TM9SF2: variants seen among roughly 807,000 people sequenced by gnomAD.
The protein encoded by TM9SF2 is 76 kDa membrane protein.
TM9SF2 carries 13 observed loss-of-function variants against 84.9 expected under a neutral mutation model. The observed-to-expected ratio is 0.15, with a 90% confidence interval of 0.10 to 0.24. The LOEUF (loss-of-function observed/expected upper bound fraction) is 0.24, where lower values mean the gene tolerates loss of function less well. Among genes scored for constraint, TM9SF2 ranks in the 10% least tolerant of loss-of-function variants. The probability of loss-of-function intolerance (pLI) is 1.00; values close to 1 mark genes in which losing one functional copy is unlikely to be tolerated. For synonymous variants in TM9SF2, 273 were observed against 285.8 expected, an observed-to-expected ratio of 0.96 and a Z score of 0.45; for missense variants, 562 against 818.5, an observed-to-expected ratio of 0.69 and a Z score of 3.82.
intron 3 of TM9SF2, among the ~76,000 whole-genome samples, chr13:99,521,878 T>A (rs1425696835): frequency 6.6e-6 from 1 of 152,118 alleles, no homozygotes; most frequent in Non-Finnish European, 1.5e-5. Flanking sequence ...AGCCAATTTT[T>A]AAATTTTTTA....
chr13:99,516,783 C>T (rs1022966613), intron 1 of TM9SF2, among the ~76,000 whole-genome samples: 11 of 152,182 alleles, frequency 7.2e-5, no homozygotes, highest in South Asian at 2.1e-4. Flanking sequence ...CAAAGTTAGA[C>T]CATGTGGTCA....
rs1360487630 is a variant in TM9SF2 at position 99,560,488 on chromosome 13, A to G, written c.1924+954A>G. On this transcript the variant is annotated intron_variant, in intron 16 of 16. Transcript: ENST00000376387. ...TGTAAATTTTAATAAATCATCTATA[A>G]AACAGCAGTAGCCAGTGAAACAAGG... Among the ~76,000 whole-genome samples, 64 of 152,104 alleles carry G rather than the reference A, an allele frequency of 4.2e-4. 2 individuals carry two copies. The highest frequency in any genetic ancestry group is 4.2e-3 in the Admixed American group (64 of 15,272).
chr13:99,538,646 G>A (rs1298025220), intron 6 of TM9SF2, among the ~76,000 whole-genome samples: 5 of 151,616 alleles, frequency 3.3e-5, no homozygotes, highest in Non-Finnish European at 2.9e-5. Flanking sequence ...AAATGAATTC[G>A]CTGGGCATGG....
intron 15 of TM9SF2, among the ~76,000 whole-genome samples, chr13:99,558,744 G>A (rs968890486): frequency 1.3e-5 from 2 of 151,938 alleles, no homozygotes; most frequent in African/African-American, 4.8e-5. Flanking sequence ...GTGTGTGTAT[G>A]TGTGTGTATT....
intron 12 of TM9SF2, among the ~76,000 whole-genome samples, chr13:99,550,056 C>T (rs944548436): frequency 1.3e-5 from 2 of 152,116 alleles, no homozygotes; most frequent in Admixed American, 6.6e-5. Context: ...CGAAGGTGTC[C>T]GTCCTTACCA....
intron 3 of TM9SF2, among the ~76,000 whole-genome samples, chr13:99,528,066 A>G (rs1366613823): frequency 6.6e-6 from 1 of 152,256 alleles, no homozygotes; most frequent in East Asian, 1.9e-4. Context: ...TAGAAACAGA[A>G]CAGTGCTGTG....
intron 4 of TM9SF2, among the ~76,000 whole-genome samples, chr13:99,530,551 A>G (rs964208875): frequency 2.6e-5 from 4 of 152,280 alleles, no homozygotes; most frequent in Non-Finnish European, 5.9e-5. Context: ...AAAACGAAGT[A>G]TGCCTGAATA....
chr13:99,502,990 A>G (rs944450033), intron 1 of TM9SF2, among the ~76,000 whole-genome samples: 5 of 152,224 alleles, frequency 3.3e-5, no homozygotes, highest in Admixed American at 1.3e-4. Flanking sequence ...CTTGTATCTG[A>G]AAAAATATCT....
intron 1 of TM9SF2, among the ~76,000 whole-genome samples, chr13:99,516,212 T>C (rs1010591492): frequency 1.3e-5 from 2 of 152,222 alleles, no homozygotes; most frequent in African/African-American, 4.8e-5. Context: ...CTGCTGTGTT[T>C]TGCTGCCTTT....
At position 99,540,675 on chromosome 13, in the gene TM9SF2, G is replaced by C. The variant is rs185658094; in HGVS notation, c.829-39G>C. 1.6e-4 allele frequency: 241 copies of C among 1,546,070 alleles called. 1 individual carries two copies. In the African/African-American group the frequency reaches 2.9e-3, roughly 19 times the overall value. On this transcript the variant is annotated intron_variant, in intron 7 of 16. Coordinates refer to ENST00000376387, the MANE Select transcript of TM9SF2 (RefSeq NM_004800.3). ...TTTTTTTGTTCTTAATGTGCTGTCAGCAGATGTTTACTTAAAGAGATTTTT... is the reference window on the plus strand; with the variant it reads ...TTTTTTTGTTCTTAATGTGCTGTCACCAGATGTTTACTTAAAGAGATTTTT...
In TM9SF2 at chr13:99,519,862, TG is replaced by T. The variant is rs551768364; in HGVS notation, c.240-173del. Among the ~76,000 whole-genome samples, 691 of 152,356 alleles carry T rather than the reference TG, an allele frequency of 4.5e-3. 7 individuals are homozygous for T. Among genetic ancestry groups the T allele is most frequent in the Middle Eastern group, 0.017 (5 of 294 alleles). Reference sequence around the variant, plus strand: ...TTCGAAGGCATAATTTTAGGTGTTTTGTTTTTTTATGAGGAGAGATGTGGTA... The same window carrying T: ...TTCGAAGGCATAATTTTAGGTGTTTTTTTTTTTATGAGGAGAGATGTGGTA... On this transcript the variant is annotated intron_variant, in intron 2 of 16. Transcript: ENST00000376387.
intron 14 of TM9SF2, among the ~76,000 whole-genome samples, chr13:99,554,916 CAG>C (rs996250813): frequency 6.6e-6 from 1 of 152,182 alleles, no homozygotes; most frequent in African/African-American, 2.4e-5. Context: ...AGGTGACCTG[CAG>C]AGTCCTTTGC....
intron 3 of TM9SF2, 46 bp from the exon 4 acceptor site, chr13:99,529,421 C>A: frequency 6.9e-7 from 1 of 1,447,980 alleles, no homozygotes; most frequent in South Asian, 1.6e-5. Flanking sequence ...GTATGAAAAA[C>A]CTGGATATTT....
At chr13:99,548,904 T>G (rs1172872272) in intron 11 of TM9SF2, among the ~76,000 whole-genome samples, 1 of 152,120 alleles carries the variant, frequency 6.6e-6, no homozygotes, top group Non-Finnish European at 1.5e-5. Context: ...ATTCTTTTGG[T>G]TGTGAGGGGA....
chr13:99,503,535 C>T (rs112475992), intron 1 of TM9SF2, among the ~76,000 whole-genome samples: 3,345 of 151,924 alleles, frequency 0.022, 125 homozygotes, highest in African/African-American at 0.076. Flanking sequence ...ATGGTGAAAC[C>T]GCGTCTCTAC....
In TM9SF2 at chr13:99,551,104, A is replaced by G. The variant is rs141605712; in HGVS notation, c.1329-1063A>G. 3.8e-3 allele frequency among the ~76,000 whole-genome samples: 573 copies of G among 152,370 alleles called. 4 individuals are homozygous for G. The highest frequency in any genetic ancestry group is 0.013 in the African/African-American group (539 of 41,594). On this transcript the variant is annotated intron_variant, in intron 12 of 16. Transcript: ENST00000376387. The stretch of plus-strand genomic sequence containing the variant: ...CACCATTAACCAGTTAAATGTTTTA[A>G]TGGTAGTGGTAGTTGTGCTGGAAGA...
At chr13:99,544,307 C>T (rs2046273469) in intron 10 of TM9SF2, among the ~76,000 whole-genome samples, 1 of 150,074 alleles carries the variant, frequency 6.7e-6, no homozygotes, top group Non-Finnish European at 1.5e-5. Flanking sequence ...TGCGCCACTG[C>T]ACTCCAGCCT....
At chr13:99,536,979 TG>T (rs1413154473) in intron 5 of TM9SF2, among the ~76,000 whole-genome samples, 1 of 152,190 alleles carries the variant, frequency 6.6e-6, no homozygotes, top group African/African-American at 2.4e-5. Flanking sequence ...TTAAATGCTA[TG>T]GTAAGGTCTA....
intron 1 of TM9SF2, among the ~76,000 whole-genome samples, chr13:99,511,371 A>G (rs1172876676): frequency 1.3e-5 from 2 of 152,246 alleles, no homozygotes; most frequent in South Asian, 4.1e-4. Context: ...ATTGAACTAT[A>G]TAAACTCCCC....
Sources: gnomAD v4.1 joint callset for allele counts (sites outside exome capture counted in the v4.1 genomes callset) on GRCh38, gnomAD v4.1.1 for gene constraint, MANE v1.5 for transcripts, NCBI Gene and HGNC (gene_info 2026-07-23, HGNC 2026-07-21) for gene names.